Variants in SLC9A4 observed in about 807,000 individuals in gnomAD.
SLC9A4 encodes the protein sodium/hydrogen exchanger 4.
A neutral mutation model predicts 67.4 loss-of-function variants in SLC9A4; 63 were observed. The observed-to-expected ratio is 0.93, with a 90% CI of 0.76 to 1.15. SLC9A4 has a LOEUF of 1.15. Among genes scored for constraint, SLC9A4 ranks in the 50% most tolerant of loss-of-function variants. The probability of loss-of-function intolerance (pLI) is 0.00; values close to 1 mark genes in which losing one functional copy is unlikely to be tolerated. For missense variants in SLC9A4, 1,089 were observed against 987.7 expected, an observed-to-expected ratio of 1.10 and a Z score of -1.38; for synonymous variants, 393 against 367.2, an observed-to-expected ratio of 1.07 and a Z score of -0.80.
intron 8 of SLC9A4, 73 bp from the exon 9 acceptor site, chr2:102,519,786 C>T: frequency 7.2e-7 from 1 of 1,388,738 alleles, no homozygotes; most frequent in East Asian, 2.3e-5. Flanking sequence ...AGAGCAAGGC[C>T]CACTGATAGT....
intron 8 of SLC9A4, among the ~76,000 whole-genome samples, chr2:102,519,228 G>A (rs1380957373): frequency 1.3e-5 from 2 of 152,124 alleles, no homozygotes; most frequent in Admixed American, 1.3e-4. Flanking sequence ...GGTATAAATG[G>A]TCTAATTGCC....
chr2:102,529,740 G>T (rs970222084), intron 11 of SLC9A4, among the ~76,000 whole-genome samples: 2 of 152,160 alleles, frequency 1.3e-5, no homozygotes, highest in Non-Finnish European at 2.9e-5. Flanking sequence ...GCAGTCCCTG[G>T]CTAACCCACC....
chr2:102,528,406 T>C (rs1674709583), intron 11 of SLC9A4, among the ~76,000 whole-genome samples: 1 of 19,262 alleles, frequency 5.2e-5, no homozygotes. Context: ...AGTTCTTTCT[T>C]TTTTTTTTTT....
At chr2:102,487,828 C>T (rs749006816) in intron 2 of SLC9A4, among the ~76,000 whole-genome samples, 22 of 152,132 alleles carry the variant, frequency 1.4e-4, no homozygotes, top group Non-Finnish European at 2.8e-4. Flanking sequence ...AAAGCAATGT[C>T]GCTTTAGCTT....
intron 11 of SLC9A4, among the ~76,000 whole-genome samples, chr2:102,529,052 G>A (rs1298531962): frequency 6.6e-6 from 1 of 152,218 alleles, no homozygotes; most frequent in Non-Finnish European, 1.5e-5. Context: ...TGCTAGAGCA[G>A]AGTCTGGAAC....
intron 8 of SLC9A4, among the ~76,000 whole-genome samples, chr2:102,518,082 T>C (rs1338716446): frequency 6.6e-6 from 1 of 152,218 alleles, no homozygotes; most frequent in Non-Finnish European, 1.5e-5. Context: ...GCTGATATAA[T>C]TCCATAGCTG....
chr2:102,511,719 T>G (rs879756348), intron 6 of SLC9A4, among the ~76,000 whole-genome samples: 2 of 152,062 alleles, frequency 1.3e-5, no homozygotes, highest in Non-Finnish European at 2.9e-5. Flanking sequence ...AGATACTTTG[T>G]TATTCTATGT....
chr2:102,478,805 TG>T (rs1684387528), intron 1 of SLC9A4, 33 bp from the exon 2 acceptor site: 3 of 1,595,674 alleles, frequency 1.9e-6, no homozygotes, highest in Middle Eastern at 1.7e-4. Context: ...CCGTTTCGTT[TG>T]CAAGCACCTA....
chr2:102,478,490 C>T (rs1684379536), intron 1 of SLC9A4, among the ~76,000 whole-genome samples: 1 of 152,174 alleles, frequency 6.6e-6, no homozygotes, highest in African/African-American at 2.4e-5. Flanking sequence ...ATGATAGATT[C>T]TGCATGAACT....
intron 6 of SLC9A4, 65 bp from the exon 7 acceptor site, chr2:102,512,138 T>G: frequency 6.4e-7 from 1 of 1,573,652 alleles, no homozygotes; most frequent in Non-Finnish European, 8.7e-7. Context: ...AGTGTCTTAG[T>G]TGTCCTGTGT....
At chr2:102,476,440 C>T (rs1684333938) in intron 1 of SLC9A4, among the ~76,000 whole-genome samples, 1 of 152,186 alleles carries the variant, frequency 6.6e-6, no homozygotes, top group South Asian at 2.1e-4. Flanking sequence ...TAGCATTTCC[C>T]TTTACAAGGC....
chr2:102,509,039 T>TTGGCAGAGTGGG, intron 6 of SLC9A4, 106 bp downstream of exon 6: 2 of 959,026 alleles, frequency 2.1e-6, no homozygotes, highest in Non-Finnish European at 3.2e-6. Context: ...TTCCCCACTC[T>TTGGCAGAGTGGG]GCCAAGAGTG....
At chr2:102,526,373 T>G in intron 11 of SLC9A4, 27 bp downstream of exon 11, 1 of 1,606,698 alleles carries the variant, frequency 6.2e-7, no homozygotes. Context: ...GCTGCTCTGC[T>G]GCTTTTCTGT....
In SLC9A4 at chr2:102,514,198, C is replaced by A. The variant is rs1423861896; in HGVS notation, c.1668C>A (p.Ile556=). 2 of 1,614,106 alleles carry A rather than the reference C, an allele frequency of 1.2e-6. No homozygotes were observed. The highest frequency in any genetic ancestry group is 1.7e-6 in the Non-Finnish European group (2 of 1,180,018). ...AGAAGCTGGAAATGAAGCAAGCCAT[C>A]GAGATGGTGGAGACTGGGATACTGA... ...LYKKLEMKQA[I]EMVETGILSS... Residue 556 remains isoleucine (I), a synonymous_variant, in exon 8 of 12, where the codon ATC becomes ATA. Coordinates refer to ENST00000295269, the MANE Select transcript of SLC9A4 (RefSeq NM_001011552.4).
chr2:102,479,313 A>G lies in SLC9A4; in HGVS notation c.720+11A>G, dbSNP rs750370435. 3 of 1,594,950 alleles carry G rather than the reference A, an allele frequency of 1.9e-6. No individual in the cohort carries two copies. Among genetic ancestry groups the G allele is most frequent in the African/African-American group, 2.7e-5 (2 of 74,674 alleles). ...GATGGCATTACTGTGGTGAGATGTC[A>G]TGTGCCCGCCCGGCTTCCGGGGGAG... is the stretch of plus-strand genomic sequence containing the variant. On this transcript the variant is annotated intron_variant, in intron 2 of 11. Transcript: ENST00000295269.
At chr2:102,523,362 C>T (rs1674587265) in intron 9 of SLC9A4, among the ~76,000 whole-genome samples, 2 of 152,106 alleles carry the variant, frequency 1.3e-5, no homozygotes, top group South Asian at 4.1e-4. Context: ...AACCATAAAT[C>T]TACTTAACTG....
intron 11 of SLC9A4, 33 bp from the exon 12 acceptor site, chr2:102,532,297 T>C: frequency 6.3e-7 from 1 of 1,588,712 alleles, no homozygotes; most frequent in Non-Finnish European, 8.6e-7. Context: ...TTAAGTCTTG[T>C]TCTTTCCCCT....
Position 102,473,555 on chromosome 2 carries a change from C to G in SLC9A4, c.-205C>G, listed in dbSNP as rs555852523. 3.4e-6 allele frequency: 2 copies of G among 591,382 alleles called. No homozygotes were observed. Among genetic ancestry groups the G allele is most frequent in the East Asian group, 5.8e-5 (2 of 34,550 alleles). The allele number at this position is 591,382 out of a possible 1,614,324, so 36.6% of individuals were successfully genotyped here. ...TGCATTTGAGTTGGAAGCTGAGTTG[C>G]CTGAACACAAACGATTTAAACCAGA... On this transcript the variant is annotated 5_prime_UTR_variant, in exon 1 of 12. Coordinates refer to ENST00000295269, the MANE Select transcript of SLC9A4 (RefSeq NM_001011552.4).
intron 2 of SLC9A4, among the ~76,000 whole-genome samples, chr2:102,497,291 A>G (rs563598554): frequency 6.6e-6 from 1 of 152,236 alleles, no homozygotes. Context: ...CGTGTCTACC[A>G]TACTACCTAG....
Sources: gnomAD v4.1 joint callset for allele counts (sites outside exome capture counted in the v4.1 genomes callset) on GRCh38, gnomAD v4.1.1 for gene constraint, MANE v1.5 for transcripts, NCBI Gene and HGNC (gene_info 2026-07-23, HGNC 2026-07-21) for gene names.